CFAP299: variants seen among roughly 807,000 people sequenced by gnomAD.
CFAP299 encodes the protein cilia- and flagella-associated protein 299.
CFAP299 carries 21 observed loss-of-function variants against 27.0 expected under a neutral mutation model. The observed-to-expected ratio is 0.78, with a 90% confidence interval of 0.55 to 1.12. The LOEUF is 1.12. Among genes scored for constraint, CFAP299 ranks in the 50% most tolerant of loss-of-function variants. The pLI is 0.00. For synonymous variants in CFAP299, 104 were observed against 98.1 expected, an observed-to-expected ratio of 1.06 and a Z score of -0.36; for missense variants, 310 against 276.6, an observed-to-expected ratio of 1.12 and a Z score of -0.86.
intron 2 of CFAP299, among the ~76,000 whole-genome samples, chr4:80,553,120 G>A (rs984067685): frequency 2.0e-5 from 3 of 151,952 alleles, no homozygotes; most frequent in Admixed American, 1.3e-4. Context: ...TAAGCTGAGT[G>A]CCCAATAGTT....
At chr4:80,354,179 T>G (rs1723148606) in intron 1 of CFAP299, among the ~76,000 whole-genome samples, 1 of 152,164 alleles carries the variant, frequency 6.6e-6, no homozygotes. Context: ...ATGGTGAATC[T>G]CACTAGTAAT....
intron 5 of CFAP299, among the ~76,000 whole-genome samples, chr4:80,957,802 AG>A (rs1273164430): frequency 6.6e-6 from 1 of 152,142 alleles, no homozygotes; most frequent in Non-Finnish European, 1.5e-5. Context: ...TTTCCCTGGC[AG>A]TCTGTCTCCT....
intron 2 of CFAP299, chr4:80,386,176 C>T (rs1724968915): frequency 5.6e-6 from 4 of 717,586 alleles, no homozygotes; most frequent in Non-Finnish European, 6.6e-6. Context: ...ACCCCGGGTC[C>T]GTCACTCTGA....
chr4:80,708,820 A>G (rs1219918864), intron 3 of CFAP299, among the ~76,000 whole-genome samples: 1 of 152,164 alleles, frequency 6.6e-6, no homozygotes, highest in Admixed American at 6.6e-5. Flanking sequence ...CTCAAATGCA[A>G]ACTTTTAGTT....
chr4:80,908,442 T>A (rs1273334393), intron 4 of CFAP299, among the ~76,000 whole-genome samples: 26 of 152,202 alleles, frequency 1.7e-4, no homozygotes, highest in Admixed American at 6.5e-5. Context: ...GAATATTGAT[T>A]TAGCATGACA....
At chr4:80,593,747 T>C (rs1736906180) in intron 3 of CFAP299, among the ~76,000 whole-genome samples, 1 of 152,186 alleles carries the variant, frequency 6.6e-6, no homozygotes, top group African/African-American at 2.4e-5. Context: ...ACTTTGGTTT[T>C]TGCTTTTCTT....
chr4:80,404,247 C>T (rs1397482093), intron 2 of CFAP299, among the ~76,000 whole-genome samples: 3 of 152,018 alleles, frequency 2.0e-5, no homozygotes, highest in African/African-American at 7.2e-5. Context: ...CACACACACA[C>T]ACAATATAAT....
chr4:80,390,478 CCT>C lies in CFAP299; in HGVS notation c.242+27607_242+27608del, dbSNP rs60538104. On this transcript the variant is annotated intron_variant, in intron 2 of 5. Transcript: ENST00000358105. ...CATTTTAAAGACTGAGCAATTCTCT[CCT>C]CTCTCTCTCTCTATATATATGTATA... 7.4e-3 allele frequency among the ~76,000 whole-genome samples: 1,018 copies of C among 137,320 alleles called. 30 individuals carry two copies. Among genetic ancestry groups the C allele is most frequent in the African/African-American group, 0.028 (860 of 31,010 alleles). The allele number at this position is 137,320 out of a possible 152,430, so 90.1% of individuals were successfully genotyped here.
At chr4:80,894,268 A>T (rs1734499941) in intron 4 of CFAP299, among the ~76,000 whole-genome samples, 1 of 152,008 alleles carries the variant, frequency 6.6e-6, no homozygotes, top group South Asian at 2.1e-4. Context: ...TATGAAGGCT[A>T]AACCTAGAGT....
intron 3 of CFAP299, among the ~76,000 whole-genome samples, chr4:80,730,685 G>A (rs1342150749): frequency 6.6e-6 from 1 of 152,012 alleles, no homozygotes; most frequent in Non-Finnish European, 1.5e-5. Context: ...ACCTAGGTAG[G>A]GTCCAGAGTC....
chr4:80,696,772 C>T (rs113990919), intron 3 of CFAP299, among the ~76,000 whole-genome samples: 35 of 152,148 alleles, frequency 2.3e-4, no homozygotes, highest in East Asian at 5.8e-4. Context: ...ATGGAAAGTA[C>T]GAAGACCTGG....
At chr4:80,530,990 A>G (rs1733434887) in intron 2 of CFAP299, among the ~76,000 whole-genome samples, 1 of 152,188 alleles carries the variant, frequency 6.6e-6, no homozygotes, top group Non-Finnish European at 1.5e-5. Context: ...TTTATTTAGT[A>G]TAAGACTGGA....
At chr4:80,553,772 T>C (rs1298914131) in intron 2 of CFAP299, among the ~76,000 whole-genome samples, 1 of 152,222 alleles carries the variant, frequency 6.6e-6, no homozygotes, top group Non-Finnish European at 1.5e-5. Flanking sequence ...GGTTTTTTCA[T>C]ATGCTTGTTG....
At chr4:80,374,601 A>G (rs769823496) in intron 2 of CFAP299, among the ~76,000 whole-genome samples, 73 of 152,140 alleles carry the variant, frequency 4.8e-4, no homozygotes, top group Admixed American at 1.6e-3. Flanking sequence ...ATGTGTCAGG[A>G]GCTGCGATTT....
intron 3 of CFAP299, among the ~76,000 whole-genome samples, chr4:80,731,878 C>T (rs938601047): frequency 1.3e-5 from 2 of 152,020 alleles, no homozygotes; most frequent in African/African-American, 2.4e-5. Context: ...TCAACATGGC[C>T]CTTTCCTGAT....
chr4:80,664,339 T>A (rs1741028052), intron 3 of CFAP299, among the ~76,000 whole-genome samples: 1 of 152,148 alleles, frequency 6.6e-6, no homozygotes, highest in Non-Finnish European at 1.5e-5. Context: ...GCTGCACCCA[T>A]GGATGCCCCT....
intron 4 of CFAP299, among the ~76,000 whole-genome samples, chr4:80,923,842 G>A (rs1297110813): frequency 6.6e-6 from 1 of 151,848 alleles, no homozygotes; most frequent in Non-Finnish European, 1.5e-5. Context: ...CACTAACTGG[G>A]TATTTGAGGC....
At chr4:80,367,561 G>T (rs922077556) in intron 2 of CFAP299, among the ~76,000 whole-genome samples, 2 of 152,076 alleles carry the variant, frequency 1.3e-5, no homozygotes, top group African/African-American at 2.4e-5. Context: ...CATTTACTGG[G>T]TTGGTATCCA....
Position 80,605,026 on chromosome 4 carries a change from A to G in CFAP299, c.333+21843A>G, listed in dbSNP as rs149977793. On this transcript the variant is annotated intron_variant, in intron 3 of 5. Transcript: ENST00000358105. ...GTTTATTTTACATTGGCAAGATGATATGTTTTGCTACCAGTGAAAATGGGG... is the reference window on the plus strand; with the variant it reads ...GTTTATTTTACATTGGCAAGATGATGTGTTTTGCTACCAGTGAAAATGGGG... Among the ~76,000 whole-genome samples, 339 of 152,274 alleles carry G rather than the reference A, an allele frequency of 2.2e-3. 2 individuals are homozygous for G. Among genetic ancestry groups the G allele is most frequent in the East Asian group, 3.1e-3 (16 of 5,176 alleles).
Sources: allele counts gnomAD v4.1 joint callset (sites outside exome capture counted in the v4.1 genomes callset), GRCh38; gene constraint gnomAD v4.1.1; transcripts MANE v1.5; gene names NCBI Gene and HGNC (gene_info 2026-07-23, HGNC 2026-07-21).